The following IQSEC1 variants were observed in gnomAD, a reference collection of about 807,000 sequenced individuals.
IQSEC1 encodes IQ motif and SEC7 domain-containing protein 1.
Under a neutral mutation model 91.0 loss-of-function variants are expected in IQSEC1, and 31 were observed. The observed-to-expected ratio is 0.34, with a 90% CI of 0.26 to 0.46. The LOEUF (loss-of-function observed/expected upper bound fraction) is 0.46, where lower values mean the gene tolerates loss of function less well. Ranked by LOEUF, IQSEC1 falls within the 20% of genes least tolerant of loss-of-function variation. IQSEC1 has a pLI of 1.00. For missense variants in IQSEC1, 1,388 were observed against 1,575.6 expected, an observed-to-expected ratio of 0.88 and a Z score of 2.02; for synonymous variants, 699 against 662.6, an observed-to-expected ratio of 1.05 and a Z score of -0.84.
chr3:13,082,441 C>T (rs1274174650), intron 2 of IQSEC1, among the ~76,000 whole-genome samples: 5 of 152,204 alleles, frequency 3.3e-5, no homozygotes, highest in Non-Finnish European at 7.3e-5. Flanking sequence ...GTGCTGAAGT[C>T]AGAGTGAGAC....
chr3:12,928,893 T>C (rs150044007), intron 3 of IQSEC1, among the ~76,000 whole-genome samples: 1 of 152,272 alleles, frequency 6.6e-6, no homozygotes, highest in African/African-American at 2.4e-5. Context: ...GGGGAAGCTG[T>C]GCGGTCCCCT....
chr3:12,956,130 C>T (rs1402919100), intron 1 of IQSEC1, among the ~76,000 whole-genome samples: 1 of 152,216 alleles, frequency 6.6e-6, no homozygotes, highest in Non-Finnish European at 1.5e-5. Context: ...CATCAGACAG[C>T]ACATGTTCTG....
At chr3:13,069,225 G>C (rs1311899610) in intron 1 of IQSEC1, among the ~76,000 whole-genome samples, 2 of 152,084 alleles carry the variant, frequency 1.3e-5, no homozygotes, top group African/African-American at 2.4e-5. Context: ...CTTGAGTGAA[G>C]ACTGGGCCTC....
intron 1 of IQSEC1, among the ~76,000 whole-genome samples, chr3:13,015,355 C>T (rs982598674): frequency 1.3e-5 from 2 of 152,168 alleles, no homozygotes; most frequent in Non-Finnish European, 2.9e-5. Context: ...CTTCCCCTTG[C>T]GGCTGTGGGG....
At chr3:13,047,983 T>C (rs566890144) in intron 1 of IQSEC1, among the ~76,000 whole-genome samples, 59 of 152,266 alleles carry the variant, frequency 3.9e-4, no homozygotes, top group South Asian at 3.3e-3. Context: ...CCTGATTTCC[T>C]GCCCAGAGAC....
intron 2 of IQSEC1, among the ~76,000 whole-genome samples, chr3:13,100,375 G>A (rs1224200899): frequency 6.7e-6 from 1 of 148,626 alleles, no homozygotes; most frequent in Non-Finnish European, 1.5e-5. Context: ...TCTTCCTGGT[G>A]AATGTTCATC....
intron 2 of IQSEC1, among the ~76,000 whole-genome samples, chr3:13,098,562 G>C (rs1246755800): frequency 6.6e-6 from 1 of 152,144 alleles, no homozygotes; most frequent in African/African-American, 2.4e-5. Flanking sequence ...CACTGAGAAG[G>C]GGGTGAGGGA....
At chr3:13,041,870 G>A (rs1430849443) in intron 1 of IQSEC1, among the ~76,000 whole-genome samples, 1 of 152,204 alleles carries the variant, frequency 6.6e-6, no homozygotes, top group Non-Finnish European at 1.5e-5. Flanking sequence ...CCCCAACTCT[G>A]CCTCCCCAAA....
intron 1 of IQSEC1, among the ~76,000 whole-genome samples, chr3:13,216,483 A>G (rs560693921): frequency 2.0e-5 from 3 of 152,298 alleles, no homozygotes; most frequent in Non-Finnish European, 4.4e-5. Flanking sequence ...GGGCTAGCAG[A>G]GCGACGAGCT....
rs768053121 is a variant in IQSEC1, at chr3:12,936,555, C to T, written c.461G>A (p.Arg154His). 6.2e-6 allele frequency: 10 copies of T among 1,613,268 alleles called. No individual in the cohort carries two copies. Among genetic ancestry groups the T allele is most frequent in the Admixed American group, 5.0e-5 (3 of 59,998 alleles). Residue 154 changes from arginine to histidine, a missense_variant, in exon 3 of 14, where the codon CGC becomes CAC. Coordinates refer to ENST00000613206, the MANE Select transcript of IQSEC1 (RefSeq NM_001134382.3). ...CCTCATGTTGGACAGCACAATCCGG[C>T]GTGACATGCGGTTCTCTGACATGGA... is the stretch of plus-strand genomic sequence containing the variant. ...RSSMSENRMS[R>H]RIVLSNMRMQ... is the part of the protein sequence containing the mutation.
rs1034933580 is a variant in IQSEC1 at position 13,102,282 on chromosome 3, A to G, written c.303-54760T>C. ...GGGTGATGGAGCAAGAACTTGTCTC[A>G]AAATAATAATAATAATAATAAATAA... On this transcript the variant is annotated intron_variant, in intron 2 of 15. Transcript: ENST00000648114. Among the ~76,000 whole-genome samples the G allele has an allele frequency of 2.0e-5, 3 of 151,086 alleles. No homozygotes were observed. The South Asian group carries it at 6.3e-4, about 32-fold the overall frequency.
At chr3:12,960,634 C>G (rs1399420699) in intron 1 of IQSEC1, 1 of 152,242 alleles carries the variant, frequency 6.6e-6, no homozygotes, top group East Asian at 1.9e-4. Context: ...CCATTCTTTC[C>G]TCATCTGTCA....
At chr3:13,228,435 T>C (rs1694793514) in intron 1 of IQSEC1, among the ~76,000 whole-genome samples, 1 of 152,150 alleles carries the variant, frequency 6.6e-6, no homozygotes, top group Non-Finnish European at 1.5e-5. Flanking sequence ...AGCCACAACC[T>C]ACAGGCAGGC....
chr3:13,177,476 A>G (rs992691871), intron 1 of IQSEC1, among the ~76,000 whole-genome samples: 1 of 152,314 alleles, frequency 6.6e-6, no homozygotes, highest in East Asian at 1.9e-4. Flanking sequence ...ACTCCTGTGA[A>G]CCTCATCTCC....
At chr3:13,019,681 C>T (rs1703313361) in intron 1 of IQSEC1, among the ~76,000 whole-genome samples, 1 of 152,204 alleles carries the variant, frequency 6.6e-6, no homozygotes, top group South Asian at 2.1e-4. Flanking sequence ...CCCAGTTAAC[C>T]ACAGGGGCGC....
At chr3:13,153,251 A>G (rs1707030226) in intron 2 of IQSEC1, among the ~76,000 whole-genome samples, 4 of 152,118 alleles carry the variant, frequency 2.6e-5, no homozygotes, top group Admixed American at 6.5e-5. Context: ...GTCCAGCGGA[A>G]GTTGAAGCAG....
intron 1 of IQSEC1, among the ~76,000 whole-genome samples, chr3:13,025,271 C>T (rs1227216899): frequency 3.3e-5 from 5 of 152,276 alleles, no homozygotes; most frequent in African/African-American, 1.2e-4. Context: ...CCGGGCTCTG[C>T]AGAGAACTGG....
chr3:13,189,121 C>T (rs1395659507), intron 1 of IQSEC1, among the ~76,000 whole-genome samples: 1 of 152,230 alleles, frequency 6.6e-6, no homozygotes, highest in Admixed American at 6.5e-5. Flanking sequence ...CTCCTATCAA[C>T]AGGTAGGTTG....
intron 1 of IQSEC1, among the ~76,000 whole-genome samples, chr3:12,971,853 C>G (rs1409241781): frequency 2.0e-5 from 3 of 152,132 alleles, no homozygotes; most frequent in African/African-American, 7.2e-5. Flanking sequence ...GAAACCCCAT[C>G]TCTACTAAAA....
Sources: allele counts gnomAD v4.1 joint callset (sites outside exome capture counted in the v4.1 genomes callset), GRCh38; gene constraint gnomAD v4.1.1; transcripts MANE v1.5; gene names NCBI Gene and HGNC (gene_info 2026-07-23, HGNC 2026-07-21).